Variants in UGT1A10 observed in about 807,000 individuals in gnomAD.
UGT1A10 encodes the protein UDP-glucuronosyltransferase 1A10.
Under a neutral mutation model 45.8 loss-of-function variants are expected in UGT1A10, and 49 were observed. That is an observed-to-expected ratio of 1.07 (90% CI 0.85 to 1.36). UGT1A10 has a LOEUF of 1.36. Ranked by LOEUF, UGT1A10 falls within the 40% of genes most tolerant of loss-of-function variation. The probability of loss-of-function intolerance (pLI) is 0.00; values close to 1 mark genes in which losing one functional copy is unlikely to be tolerated. For synonymous variants in UGT1A10, 284 were observed against 249.7 expected, an observed-to-expected ratio of 1.14 and a Z score of -1.29; for missense variants, 745 against 668.6, an observed-to-expected ratio of 1.11 and a Z score of -1.26.
chr2:233,762,963 G>A (rs1465614269), intron 1 of UGT1A10, among the ~76,000 whole-genome samples: 1 of 152,144 alleles, frequency 6.6e-6, no homozygotes, highest in East Asian at 1.9e-4. Flanking sequence ...TAGGAAAGAT[G>A]CCCGTCTTGC....
At chr2:233,670,476 T>C (rs1163362967) in intron 1 of UGT1A10, among the ~76,000 whole-genome samples, 1 of 152,250 alleles carries the variant, frequency 6.6e-6, no homozygotes, top group East Asian at 1.9e-4. Flanking sequence ...GGGTTTGTGT[T>C]GTAAAATAAG....
chr2:233,742,512 C>A (rs924249262), intron 1 of UGT1A10, among the ~76,000 whole-genome samples: 2 of 151,876 alleles, frequency 1.3e-5, no homozygotes, highest in African/African-American at 4.9e-5. Context: ...ATCATGAACA[C>A]GTCACAGTGC....
intron 1 of UGT1A10, chr2:233,682,655 A>G (rs894073173): frequency 6.2e-7 from 1 of 1,613,884 alleles, no homozygotes; most frequent in East Asian, 2.2e-5. Flanking sequence ...AACCCCTGTC[A>G]CGGCATATGA....
chr2:233,666,376 T>C (rs1052825184), intron 1 of UGT1A10, among the ~76,000 whole-genome samples: 2 of 152,218 alleles, frequency 1.3e-5, no homozygotes, highest in Non-Finnish European at 2.9e-5. Context: ...CTCAATCTTT[T>C]TCATTGCAGC....
At chr2:233,732,150 T>C (rs1356402869) in intron 1 of UGT1A10, among the ~76,000 whole-genome samples, 1 of 152,152 alleles carries the variant, frequency 6.6e-6, no homozygotes. Flanking sequence ...GTTTTTTTTC[T>C]TGTAAATTTG....
At chr2:233,675,144 G>C (rs2074311626) in intron 1 of UGT1A10, among the ~76,000 whole-genome samples, 1 of 100,868 alleles carries the variant, frequency 9.9e-6, no homozygotes, top group Non-Finnish European at 2.5e-5. Flanking sequence ...GGCTATCCAG[G>C]GGAATTACAT....
intron 1 of UGT1A10, among the ~76,000 whole-genome samples, chr2:233,697,572 AT>A (rs2075399360): frequency 7.4e-6 from 1 of 134,904 alleles, no homozygotes; most frequent in Non-Finnish European, 1.6e-5. Flanking sequence ...AATTTAATTT[AT>A]TTTTTCCCTG....
chr2:233,743,842 C>T (rs1312488571), intron 1 of UGT1A10: 2 of 1,367,178 alleles, frequency 1.5e-6, no homozygotes, highest in Admixed American at 3.8e-5. Flanking sequence ...TGAGCGCCAG[C>T]TTGCGGTACG....
At chr2:233,668,164 T>C (rs1481450696) in intron 1 of UGT1A10, among the ~76,000 whole-genome samples, 1 of 152,136 alleles carries the variant, frequency 6.6e-6, no homozygotes, top group Non-Finnish European at 1.5e-5. Context: ...CATTAACTCG[T>C]CATTTACATT....
At chr2:233,761,270 C>G (rs990068200) in intron 1 of UGT1A10, 25 of 1,591,850 alleles carry the variant, frequency 1.6e-5, no homozygotes, top group Non-Finnish European at 2.1e-5. Flanking sequence ...AAAATGCCCT[C>G]TTTTGTTAAT....
At chr2:233,679,964 A>G (rs370640382) in intron 1 of UGT1A10, among the ~76,000 whole-genome samples, 1 of 152,194 alleles carries the variant, frequency 6.6e-6, no homozygotes, top group East Asian at 1.9e-4. Context: ...TCCTGCTGGC[A>G]TAGCTGCAGC....
chr2:233,669,123 C>A (rs1189142484), intron 1 of UGT1A10, among the ~76,000 whole-genome samples: 2 of 152,198 alleles, frequency 1.3e-5, no homozygotes. Flanking sequence ...ATTGCCTGTG[C>A]ACCTTTGAAA....
intron 1 of UGT1A10, chr2:233,721,831 C>G: frequency 3.9e-6 from 2 of 514,410 alleles, no homozygotes. Flanking sequence ...TTTGGGCCAC[C>G]GACCTTGTGT....
intron 1 of UGT1A10, among the ~76,000 whole-genome samples, chr2:233,652,449 G>C (rs140677971): frequency 9.7e-4 from 147 of 152,142 alleles, no homozygotes; most frequent in African/African-American, 3.4e-3. Context: ...AAATGCTGGA[G>C]ATATCATTCT....
At chr2:233,724,308 C>A (rs2077215136) in intron 1 of UGT1A10, among the ~76,000 whole-genome samples, 1 of 148,194 alleles carries the variant, frequency 6.7e-6, no homozygotes, top group African/African-American at 2.5e-5. Context: ...CACCTCCCTC[C>A]CGGACGGGGC....
intron 1 of UGT1A10, chr2:233,760,329 C>A (rs765814343): frequency 8.7e-6 from 14 of 1,613,970 alleles, no homozygotes; most frequent in South Asian, 1.1e-5. Flanking sequence ...TTGTCCTGGG[C>A]CTGCTGCTGT....
intron 1 of UGT1A10, chr2:233,729,871 C>T: frequency 6.2e-7 from 1 of 1,613,870 alleles, no homozygotes; most frequent in Non-Finnish European, 8.5e-7. Flanking sequence ...GGTGGATATT[C>T]TCAGTCATGC....
chr2:233,736,374 G>A lies in UGT1A10; in HGVS notation c.856-30660G>A, dbSNP rs183988627. On this transcript the variant is annotated intron_variant, in intron 1 of 4. Coordinates refer to ENST00000344644, the MANE Select transcript of UGT1A10 (RefSeq NM_019075.4). ...TTTCAGCTCCATCAGGTCATTTAAG[G>A]TCTTCTCTACAGTGTTTATTCTAGT... Among the ~76,000 whole-genome samples the A allele has an allele frequency of 2.8e-3, 425 of 152,220 alleles. 22 individuals carry two copies. The South Asian group carries it at 0.086, about 31-fold the overall frequency.
intron 1 of UGT1A10, chr2:233,672,554 T>A (rs201242485): frequency 8.7e-5 from 140 of 1,613,744 alleles, no homozygotes; most frequent in Non-Finnish European, 8.5e-7. Flanking sequence ...AAGGAGAGAG[T>A]ACGGAACCAC....
Sources: allele counts gnomAD v4.1 joint callset (sites outside exome capture counted in the v4.1 genomes callset), GRCh38; gene constraint gnomAD v4.1.1; transcripts MANE v1.5; gene names NCBI Gene and HGNC (gene_info 2026-07-23, HGNC 2026-07-21).